Variants in FGD4 observed in about 807,000 individuals in gnomAD.
FGD4 encodes FYVE, RhoGEF and PH domain-containing protein 4.
In FGD4, 42 loss-of-function variants were observed where a neutral mutation model predicts 102.0. The observed-to-expected ratio is 0.41, with a 90% CI of 0.32 to 0.53. The LOEUF is 0.53. Among genes scored for constraint, FGD4 ranks in the 20% least tolerant of loss-of-function variants. The probability of loss-of-function intolerance (pLI) is 0.21; values close to 1 mark genes in which losing one functional copy is unlikely to be tolerated. For synonymous variants in FGD4, 380 were observed against 375.7 expected, an observed-to-expected ratio of 1.01 and a Z score of -0.13; for missense variants, 902 against 1,078.2, an observed-to-expected ratio of 0.84 and a Z score of 2.29.
At position 32,582,116 on chromosome 12, in the gene FGD4, G is replaced by A. The variant is rs112495951; in HGVS notation, c.660G>A (p.Gln220=). 1 of 1,614,196 alleles carries A rather than the reference G, an allele frequency of 6.2e-7. No individual in the cohort carries two copies. Among genetic ancestry groups the A allele is most frequent in the African/African-American group, 1.3e-5 (1 of 75,048 alleles). Residue 220 remains glutamine (Q), a synonymous_variant, in exon 4 of 17, where the codon CAG becomes CAA. Transcript: ENST00000534526. ...QRQGNDTDKT[Q]GAQTCVANGV... ...AGGGAAATGATACAGATAAGACTCA[G>A]GGTGCACAGACTTGTGTGGCCAACG...
At chr12:32,437,790 A>G (rs1942285889) in intron 1 of FGD4, among the ~76,000 whole-genome samples, 1 of 152,214 alleles carries the variant, frequency 6.6e-6, no homozygotes, top group Non-Finnish European at 1.5e-5. Context: ...ACCACACAAT[A>G]CCACTGATAC....
chr12:32,405,010 T>A (rs905160179), intron 1 of FGD4, among the ~76,000 whole-genome samples: 4 of 152,114 alleles, frequency 2.6e-5, no homozygotes, highest in Non-Finnish European at 4.4e-5. Context: ...CTCGGCTCAC[T>A]TCAAGCTCCA....
chr12:32,515,036 C>T (rs548219667), intron 1 of FGD4, among the ~76,000 whole-genome samples: 65 of 152,266 alleles, frequency 4.3e-4, no homozygotes, highest in African/African-American at 1.4e-3. Flanking sequence ...ATTTTACTCA[C>T]CTTATATCCC....
At chr12:32,489,841 A>G (rs1289709179) in intron 1 of FGD4, among the ~76,000 whole-genome samples, 1 of 152,010 alleles carries the variant, frequency 6.6e-6, no homozygotes, top group African/African-American at 2.4e-5. Flanking sequence ...CCTATTAAAA[A>G]CTTTTTTTGT....
chr12:32,473,228 C>A (rs1159843680), intron 1 of FGD4, among the ~76,000 whole-genome samples: 8 of 152,090 alleles, frequency 5.3e-5, no homozygotes, highest in Non-Finnish European at 7.4e-5. Context: ...GCAGGCTGCC[C>A]GAGCCAGCAT....
At chr12:32,421,025 T>A (rs1427988279) in intron 1 of FGD4, among the ~76,000 whole-genome samples, 2 of 152,178 alleles carry the variant, frequency 1.3e-5, no homozygotes, top group Non-Finnish European at 2.9e-5. Flanking sequence ...CTCAAAGTAC[T>A]GGGATTTACC....
chr12:32,559,616 T>C (rs766286608), intron 1 of FGD4, among the ~76,000 whole-genome samples: 2 of 152,238 alleles, frequency 1.3e-5, no homozygotes, highest in Admixed American at 6.5e-5. Flanking sequence ...ATTTTAAAAA[T>C]AGATGCACAG....
chr12:32,557,603 T>G (rs910707950), intron 1 of FGD4, among the ~76,000 whole-genome samples: 2 of 152,244 alleles, frequency 1.3e-5, no homozygotes, highest in Non-Finnish European at 2.9e-5. Context: ...GGAACTTTCT[T>G]TAACTCTTCA....
chr12:32,438,183 C>T (rs1289773788), intron 1 of FGD4, among the ~76,000 whole-genome samples: 8 of 152,174 alleles, frequency 5.3e-5, no homozygotes, highest in Admixed American at 3.9e-4. Flanking sequence ...TGAGCCACCG[C>T]GTCTGGCCAG....
chr12:32,588,272 T>C (rs962485184), intron 4 of FGD4, among the ~76,000 whole-genome samples: 4 of 152,192 alleles, frequency 2.6e-5, no homozygotes, highest in Non-Finnish European at 4.4e-5. Context: ...GTTGAGCAAA[T>C]GTATATTGCA....
At chr12:32,623,096 G>A in intron 11 of FGD4, among the ~76,000 whole-genome samples, 1 of 152,146 alleles carries the variant, frequency 6.6e-6, no homozygotes, top group African/African-American at 2.4e-5. Flanking sequence ...GTACATTTGT[G>A]CTTCTTCTAC....
Position 32,399,780 on chromosome 12 carries a change from T to C in FGD4, c.-14T>C. 2.6e-6 allele frequency: 4 copies of C among 1,528,604 alleles called. No homozygotes were observed. The highest frequency in any genetic ancestry group is 3.5e-6 in the Non-Finnish European group (4 of 1,144,574). The allele number at this position is 1,528,604 out of a possible 1,614,324, so 94.7% of individuals were successfully genotyped here. A position where few individuals can be genotyped will look rare whatever the true frequency, so the allele number is the denominator to read the frequency against. On this transcript the variant is annotated 5_prime_UTR_variant, in exon 1 of 17. Transcript: ENST00000534526. Reference sequence around the variant, plus strand: ...AGCGGGAGGAGTCGGGGAGCGGCGGTCGAGCCCGGCAGGATGAGCGACGAG... The same window carrying C: ...AGCGGGAGGAGTCGGGGAGCGGCGGCCGAGCCCGGCAGGATGAGCGACGAG...
At chr12:32,526,659 T>G (rs573155704) in intron 1 of FGD4, among the ~76,000 whole-genome samples, 2 of 152,280 alleles carry the variant, frequency 1.3e-5, no homozygotes, top group Admixed American at 1.3e-4. Context: ...CTGTGGGAGC[T>G]TTGTTCTTTC....
intron 1 of FGD4, among the ~76,000 whole-genome samples, chr12:32,469,158 A>G (rs1243048279): frequency 6.6e-6 from 1 of 152,158 alleles, no homozygotes; most frequent in Non-Finnish European, 1.5e-5. Context: ...TTTTTAAAAT[A>G]CATACGCAAA....
intron 1 of FGD4, among the ~76,000 whole-genome samples, chr12:32,452,284 C>G (rs1263291372): frequency 6.6e-6 from 1 of 152,090 alleles, no homozygotes; most frequent in African/African-American, 2.4e-5. Context: ...TTGTGGAATT[C>G]TCATTGCCAG....
intron 1 of FGD4, among the ~76,000 whole-genome samples, chr12:32,400,832 A>C (rs1202831820): frequency 6.6e-6 from 1 of 152,234 alleles, no homozygotes; most frequent in Non-Finnish European, 1.5e-5. Context: ...CACGCATTTC[A>C]TTCTGATTAA....
At chr12:32,594,592 C>T (rs1947726351) in intron 4 of FGD4, among the ~76,000 whole-genome samples, 1 of 152,228 alleles carries the variant, frequency 6.6e-6, no homozygotes, top group Non-Finnish European at 1.5e-5. Context: ...GAAAAACTGT[C>T]TTCCACAGAA....
At chr12:32,592,891 G>A (rs1592331179) in intron 4 of FGD4, among the ~76,000 whole-genome samples, 1 of 152,122 alleles carries the variant, frequency 6.6e-6, no homozygotes, top group South Asian at 2.1e-4. Context: ...AAAGTATGTA[G>A]TAGTACCACT....
chr12:32,431,726 T>C (rs1210098332), intron 1 of FGD4, among the ~76,000 whole-genome samples: 4 of 151,692 alleles, frequency 2.6e-5, no homozygotes, highest in Admixed American at 1.3e-4. Context: ...TGAGCCAAGA[T>C]TGTGCCACTG....
Sources: allele counts gnomAD v4.1 joint callset (sites outside exome capture counted in the v4.1 genomes callset), GRCh38; gene constraint gnomAD v4.1.1; transcripts MANE v1.5; gene names NCBI Gene and HGNC (gene_info 2026-07-23, HGNC 2026-07-21).